The following VEGFC variants were observed in gnomAD, a reference collection of about 807,000 sequenced individuals.
VEGFC encodes vascular endothelial growth factor C.
In VEGFC, 12 loss-of-function variants were observed where a neutral mutation model predicts 46.1. The ratio of observed to expected loss-of-function variants is 0.26; its 90% CI spans 0.17 to 0.42. VEGFC has a LOEUF of 0.42. Ranked by LOEUF, VEGFC falls within the 10% of genes least tolerant of loss-of-function variation. The pLI, the probability that VEGFC is intolerant of heterozygous loss-of-function variation, is 1.00. For synonymous variants in VEGFC, 232 were observed against 195.5 expected, an observed-to-expected ratio of 1.19 and a Z score of -1.56; for missense variants, 488 against 529.4, an observed-to-expected ratio of 0.92 and a Z score of 0.77.
At chr4:176,787,109 A>C (rs1338802013) in intron 1 of VEGFC, among the ~76,000 whole-genome samples, 1 of 152,172 alleles carries the variant, frequency 6.6e-6, no homozygotes, top group African/African-American at 2.4e-5. Context: ...GATAATAATG[A>C]CTATAAATAG....
At chr4:176,717,576 T>C (rs75042494) in intron 3 of VEGFC, among the ~76,000 whole-genome samples, 1,884 of 152,228 alleles carry the variant, frequency 0.012, 26 homozygotes, top group Middle Eastern at 0.02. Flanking sequence ...TCTTGAGTTA[T>C]AATTTAGTAC....
chr4:176,699,192 T>G (rs1254699591), intron 4 of VEGFC, among the ~76,000 whole-genome samples: 9 of 152,162 alleles, frequency 5.9e-5, no homozygotes, highest in African/African-American at 2.2e-4. Context: ...CATAGCTGTG[T>G]CCCTCAAATA....
At chr4:176,687,969 T>C in intron 4 of VEGFC, 42 bp from the exon 5 acceptor site, 1 of 1,184,954 alleles carries the variant, frequency 8.4e-7, no homozygotes, top group Non-Finnish European at 1.2e-6. Flanking sequence ...GTGTAACTGG[T>C]ACCTAGAAGG....
intron 6 of VEGFC, among the ~76,000 whole-genome samples, chr4:176,684,285 A>C (rs944413110): frequency 8.5e-5 from 13 of 152,256 alleles, no homozygotes; most frequent in Non-Finnish European, 1.8e-4. Context: ...AGGTATTGTA[A>C]GCATTAGTTC....
At chr4:176,754,121 T>C (rs948728468) in intron 1 of VEGFC, among the ~76,000 whole-genome samples, 3 of 152,040 alleles carry the variant, frequency 2.0e-5, no homozygotes, top group Admixed American at 1.3e-4. Context: ...TTAGTTTTGC[T>C]TACTCGAATT....
At chr4:176,711,947 T>A (rs1433766896) in intron 3 of VEGFC, among the ~76,000 whole-genome samples, 1 of 152,028 alleles carries the variant, frequency 6.6e-6, no homozygotes, top group Non-Finnish European at 1.5e-5. Context: ...AACAATGTGT[T>A]CAAGAAAAAA....
chr4:176,762,149 T>C (rs1269242915), intron 1 of VEGFC, among the ~76,000 whole-genome samples: 1 of 152,070 alleles, frequency 6.6e-6, no homozygotes, highest in East Asian at 1.9e-4. Context: ...TTAGGGACAG[T>C]TCTAAAATTT....
intron 1 of VEGFC, among the ~76,000 whole-genome samples, chr4:176,743,106 C>T (rs987543626): frequency 1.3e-5 from 2 of 151,984 alleles, no homozygotes; most frequent in African/African-American, 4.8e-5. Flanking sequence ...AGCACAAGAA[C>T]AGATCAAGTG....
intron 1 of VEGFC, among the ~76,000 whole-genome samples, chr4:176,752,591 A>C (rs1735359656): frequency 6.6e-6 from 1 of 152,146 alleles, no homozygotes; most frequent in South Asian, 2.1e-4. Flanking sequence ...TTCAGTAGTG[A>C]CGCAAAGATG....
At chr4:176,702,865 C>T (rs1734458668) in intron 4 of VEGFC, among the ~76,000 whole-genome samples, 1 of 151,958 alleles carries the variant, frequency 6.6e-6, no homozygotes, top group African/African-American at 2.4e-5. Context: ...TAATGGAATG[C>T]TATATAGTTA....
At chr4:176,777,143 C>T (rs1735827258) in intron 1 of VEGFC, among the ~76,000 whole-genome samples, 1 of 147,956 alleles carries the variant, frequency 6.8e-6, no homozygotes, top group Non-Finnish European at 1.5e-5. Flanking sequence ...GAAACCCCAT[C>T]TCTACTAAAA....
chr4:176,777,328 C>CA (rs904458015), intron 1 of VEGFC, among the ~76,000 whole-genome samples: 1 of 151,940 alleles, frequency 6.6e-6, no homozygotes, highest in East Asian at 1.9e-4. Context: ...AACAAACAAA[C>CA]AAAAAACTAC....
Position 176,729,723 on chromosome 4 carries a change from C to T in VEGFC, c.171G>A (p.Glu57=). Reference sequence around the variant, plus strand: ...CACTGGACACAGACCGTAACTGCTCCTCCAGATCTTTGCTTGCATAAGCCT... The same window carrying T: ...CACTGGACACAGACCGTAACTGCTCTTCCAGATCTTTGCTTGCATAAGCCT... ...EATAYASKDL[E]EQLRSVSSVD... Residue 57 remains glutamate (E), a synonymous_variant, in exon 2 of 7, where the codon GAG becomes GAA. Coordinates refer to ENST00000618562, the MANE Select transcript of VEGFC (RefSeq NM_005429.5). 1 of 1,598,248 alleles carries T rather than the reference C, an allele frequency of 6.3e-7. No individual in the cohort carries two copies. Among genetic ancestry groups the T allele is most frequent in the South Asian group, 1.1e-5 (1 of 88,588 alleles).
chr4:176,697,195 G>A (rs1734331600), intron 4 of VEGFC, among the ~76,000 whole-genome samples: 1 of 151,044 alleles, frequency 6.6e-6, no homozygotes, highest in Non-Finnish European at 1.5e-5. Flanking sequence ...GAGTGAACAG[G>A]CAACCTACAA....
chr4:176,733,143 G>C (rs193055445), intron 1 of VEGFC, among the ~76,000 whole-genome samples: 6 of 152,042 alleles, frequency 3.9e-5, no homozygotes, highest in African/African-American at 1.4e-4. Context: ...GCAGCAACTG[G>C]AACTCTCACA....
intron 4 of VEGFC, among the ~76,000 whole-genome samples, chr4:176,694,286 T>TTTG (rs1734266701): frequency 6.6e-6 from 1 of 151,322 alleles, no homozygotes; most frequent in Non-Finnish European, 1.5e-5. Flanking sequence ...TGGAGGAAGA[T>TTTG]CTACCAAGCA....
intron 1 of VEGFC, among the ~76,000 whole-genome samples, chr4:176,755,942 G>T (rs1735426063): frequency 6.6e-6 from 1 of 151,926 alleles, no homozygotes; most frequent in African/African-American, 2.4e-5. Context: ...ATATTCCTAT[G>T]CCAGAGATTA....
In VEGFC at chr4:176,711,280, T is replaced by C. The variant is rs576775270; in HGVS notation, c.704+219A>G. ...TTATTTCACAGACATACTTCTTTTA[T>C]ATTGTGAATTACTTTGCCTCTAAAA... On this transcript the variant is annotated intron_variant, in intron 4 of 6. Coordinates refer to ENST00000618562, the MANE Select transcript of VEGFC (RefSeq NM_005429.5). Among the ~76,000 whole-genome samples, 171 of 152,320 alleles carry C rather than the reference T, an allele frequency of 1.1e-3. 1 individual carries two copies. The highest frequency in any genetic ancestry group is 3.9e-3 in the African/African-American group (164 of 41,584).
At chr4:176,789,344 A>C (rs1029122851) in intron 1 of VEGFC, among the ~76,000 whole-genome samples, 1 of 152,250 alleles carries the variant, frequency 6.6e-6, no homozygotes, top group Admixed American at 6.5e-5. Context: ...GCTTTCTATG[A>C]AGCAATTTTG....
Sources: gnomAD v4.1 joint callset for allele counts (sites outside exome capture counted in the v4.1 genomes callset) on GRCh38, gnomAD v4.1.1 for gene constraint, MANE v1.5 for transcripts, NCBI Gene and HGNC (gene_info 2026-07-23, HGNC 2026-07-21) for gene names.